Variants in SGCG observed in about 807,000 individuals in gnomAD.
The protein encoded by SGCG is gamma-sarcoglycan.
SGCG carries 26 observed loss-of-function variants against 29.3 expected under a neutral mutation model. That is an observed-to-expected ratio of 0.89 (90% CI 0.65 to 1.23). SGCG has a LOEUF of 1.23. Among genes scored for constraint, SGCG ranks in the 50% most tolerant of loss-of-function variants. The pLI is 0.00. For synonymous variants in SGCG, 145 were observed against 129.7 expected, an observed-to-expected ratio of 1.12 and a Z score of -0.80; for missense variants, 353 against 356.0, an observed-to-expected ratio of 0.99 and a Z score of 0.07.
chr13:23,249,514 A>C (rs1251757456), intron 3 of SGCG, among the ~76,000 whole-genome samples: 1 of 152,018 alleles, frequency 6.6e-6, no homozygotes, highest in Non-Finnish European at 1.5e-5. Context: ...TTCAAAATTC[A>C]TACCTGCTTA....
At chr13:23,317,845 G>A (rs1227816007) in intron 6 of SGCG, among the ~76,000 whole-genome samples, 3 of 152,132 alleles carry the variant, frequency 2.0e-5, no homozygotes, top group Admixed American at 6.5e-5. Context: ...AACTCGATTG[G>A]ATTAAAAGAT....
At chr13:23,283,933 C>G (rs1435767273) in intron 5 of SGCG, among the ~76,000 whole-genome samples, 1 of 152,128 alleles carries the variant, frequency 6.6e-6, no homozygotes, top group East Asian at 1.9e-4. Context: ...AATGTTGGCT[C>G]CCACTCTTTT....
At chr13:23,164,005 T>C in the SGCG span, among the ~76,000 whole-genome samples, 1 of 152,222 alleles carries the variant, frequency 6.6e-6, no homozygotes, top group African/African-American at 2.4e-5. Context: ...AAATGCCCCC[T>C]GCATATTAAG....
intron 2 of SGCG, among the ~76,000 whole-genome samples, chr13:23,217,976 C>T (rs1878496769): frequency 6.6e-6 from 1 of 152,132 alleles, no homozygotes; most frequent in South Asian, 2.1e-4. Flanking sequence ...AGCCCACAGG[C>T]ATTCCCACTG....
intron 2 of SGCG, among the ~76,000 whole-genome samples, chr13:23,214,987 C>T (rs61948488): frequency 0.061 from 9,273 of 152,176 alleles, 395 homozygotes; most frequent in Middle Eastern, 0.15. Context: ...CCATTATTAT[C>T]GGTGTCTAAA....
At chr13:23,222,956 G>A (rs1878728723) in intron 2 of SGCG, among the ~76,000 whole-genome samples, 1 of 151,848 alleles carries the variant, frequency 6.6e-6, no homozygotes, top group African/African-American at 2.4e-5. Flanking sequence ...TTCAGAATGG[G>A]CTTCTCAACA....
At chr13:23,311,996 G>A (rs1882616797) in intron 6 of SGCG, among the ~76,000 whole-genome samples, 1 of 152,088 alleles carries the variant, frequency 6.6e-6, no homozygotes, top group Non-Finnish European at 1.5e-5. Flanking sequence ...AAGAAGGTGA[G>A]CCTCATCGTT....
intron 5 of SGCG, among the ~76,000 whole-genome samples, chr13:23,292,868 G>A (rs961840690): frequency 6.6e-6 from 1 of 152,128 alleles, no homozygotes; most frequent in African/African-American, 2.4e-5. Context: ...ATTAAGCATA[G>A]CTCTGCTTGT....
At chr13:23,279,781 G>A (rs1031533354) in intron 5 of SGCG, among the ~76,000 whole-genome samples, 6 of 141,642 alleles carry the variant, frequency 4.2e-5, no homozygotes, top group Non-Finnish European at 6.4e-5. Context: ...AGGCTGGAGT[G>A]CAGTAGCACA....
intron 2 of SGCG, among the ~76,000 whole-genome samples, chr13:23,225,488 C>T (rs1878859390): frequency 6.6e-6 from 1 of 152,054 alleles, no homozygotes; most frequent in Non-Finnish European, 1.5e-5. Context: ...ATCCAATGGG[C>T]TCTCATAGTC....
chr13:23,269,891 T>G (rs1244937476), intron 4 of SGCG, among the ~76,000 whole-genome samples: 1 of 150,458 alleles, frequency 6.6e-6, no homozygotes, highest in Non-Finnish European at 1.5e-5. Flanking sequence ...TTGTTTTTTT[T>G]TGAGGCGGAG....
chr13:23,279,207 T>C, intron 4 of SGCG, 152 bp from the exon 5 acceptor site: 1 of 677,104 alleles, frequency 1.5e-6, no homozygotes, highest in South Asian at 1.7e-5. Context: ...AGTTGCAAAG[T>C]TTAATCACAG....
intron 2 of SGCG, among the ~76,000 whole-genome samples, chr13:23,223,541 A>G (rs1327778402): frequency 6.6e-6 from 1 of 152,238 alleles, no homozygotes; most frequent in African/African-American, 2.4e-5. Context: ...CTATTATTTT[A>G]AAGAAATTAC....
chr13:23,177,735 CTA>C (rs976222779), upstream of SGCG, among the ~76,000 whole-genome samples: 1 of 71,140 alleles, frequency 1.4e-5, no homozygotes, highest in African/African-American at 5.5e-5. Context: ...CCATGTCCGG[CTA>C]TTTTTTTTTT....
chr13:23,307,930 G>T (rs536040511), intron 6 of SGCG, among the ~76,000 whole-genome samples: 2 of 151,992 alleles, frequency 1.3e-5, no homozygotes, highest in African/African-American at 4.8e-5. Flanking sequence ...AAAACATTCC[G>T]TAGAGAAGTG....
chr13:23,297,237 T>C (rs1333561475), intron 6 of SGCG, among the ~76,000 whole-genome samples: 1 of 151,190 alleles, frequency 6.6e-6, no homozygotes, highest in South Asian at 2.1e-4. Flanking sequence ...TTTATTTTTT[T>C]TTTTTTTGAG....
At chr13:23,299,521 C>T (rs1316886679) in intron 6 of SGCG, among the ~76,000 whole-genome samples, 3 of 138,812 alleles carry the variant, frequency 2.2e-5, no homozygotes, top group East Asian at 4.3e-4. Flanking sequence ...GGCGCGATCT[C>T]GGCTCACTGC....
intron 3 of SGCG, among the ~76,000 whole-genome samples, chr13:23,242,403 A>G (rs1053052307): frequency 1.3e-5 from 2 of 152,128 alleles, no homozygotes; most frequent in Non-Finnish European, 2.9e-5. Flanking sequence ...GGGCCATACC[A>G]ATTACCCCTT....
chr13:23,187,458 G>T (rs930716712), intron 1 of SGCG, among the ~76,000 whole-genome samples: 2 of 152,160 alleles, frequency 1.3e-5, no homozygotes, highest in Non-Finnish European at 2.9e-5. Flanking sequence ...CAGGTGCGCT[G>T]CCTGTAGCTT....
Sources: allele counts gnomAD v4.1 joint callset (sites outside exome capture counted in the v4.1 genomes callset), GRCh38; gene constraint gnomAD v4.1.1; transcripts MANE v1.5; gene names NCBI Gene and HGNC (gene_info 2026-07-23, HGNC 2026-07-21).